SLC2A13: variants seen among roughly 807,000 people sequenced by gnomAD.
SLC2A13 encodes the protein proton myo-inositol cotransporter.
Under a neutral mutation model 64.4 loss-of-function variants are expected in SLC2A13, and 32 were observed. That is an observed-to-expected ratio of 0.50 (90% CI 0.37 to 0.67). SLC2A13 has a LOEUF of 0.67. SLC2A13 is among the 30% of genes least tolerant of loss of function. The probability of loss-of-function intolerance (pLI) is 0.00; values close to 1 mark genes in which losing one functional copy is unlikely to be tolerated. For synonymous variants in SLC2A13, 338 were observed against 327.1 expected, an observed-to-expected ratio of 1.03 and a Z score of -0.36; for missense variants, 743 against 829.2, an observed-to-expected ratio of 0.90 and a Z score of 1.28.
chr12:39,965,720 T>C (rs1946499117), intron 3 of SLC2A13, among the ~76,000 whole-genome samples: 1 of 151,986 alleles, frequency 6.6e-6, no homozygotes, highest in Non-Finnish European at 1.5e-5. Flanking sequence ...ATTTTCAGAG[T>C]TTGGCCTATA....
At chr12:39,882,213 AG>A (rs1430330227) in intron 4 of SLC2A13, among the ~76,000 whole-genome samples, 1 of 152,134 alleles carries the variant, frequency 6.6e-6, no homozygotes, top group Non-Finnish European at 1.5e-5. Context: ...GGTGTGCTAC[AG>A]GATCTCCTGG....
At chr12:40,008,121 T>G (rs1457765380) in intron 3 of SLC2A13, among the ~76,000 whole-genome samples, 1 of 152,152 alleles carries the variant, frequency 6.6e-6, no homozygotes, top group Admixed American at 6.5e-5. Context: ...CTATCCAGAT[T>G]TTTTAAAATT....
chr12:40,098,469 TAA>T (rs1344277636), intron 1 of SLC2A13, among the ~76,000 whole-genome samples: 5 of 152,190 alleles, frequency 3.3e-5, no homozygotes, highest in African/African-American at 4.8e-5. Context: ...TAAAATGGGT[TAA>T]GAGTATAAAT....
intron 1 of SLC2A13, among the ~76,000 whole-genome samples, chr12:40,051,810 T>G (rs534666187): frequency 1.3e-5 from 2 of 152,150 alleles, no homozygotes; most frequent in South Asian, 4.2e-4. Context: ...TAAAGGATCT[T>G]AAAGGCCAAA....
chr12:39,789,382 A>G (rs1017596341), intron 7 of SLC2A13, among the ~76,000 whole-genome samples: 1 of 152,122 alleles, frequency 6.6e-6, no homozygotes, highest in African/African-American at 2.4e-5. Context: ...GCCTTTAGCT[A>G]CAGTTTATTT....
At chr12:39,941,124 T>C (rs1946017678) in intron 4 of SLC2A13, among the ~76,000 whole-genome samples, 1 of 17,742 alleles carries the variant, frequency 5.6e-5, no homozygotes, top group Non-Finnish European at 1.9e-4. Flanking sequence ...TTCCATCATA[T>C]ATATATATAT....
At chr12:39,967,026 T>C (rs1245287879) in intron 3 of SLC2A13, among the ~76,000 whole-genome samples, 1 of 152,138 alleles carries the variant, frequency 6.6e-6, no homozygotes, top group African/African-American at 2.4e-5. Flanking sequence ...GCAGTTACCA[T>C]ATGGTCAGTG....
At chr12:39,957,187 T>C (rs1357685602) in intron 3 of SLC2A13, among the ~76,000 whole-genome samples, 1 of 152,150 alleles carries the variant, frequency 6.6e-6, no homozygotes, top group Non-Finnish European at 1.5e-5. Context: ...AGAGACCAAG[T>C]GTTGCTACCC....
chr12:39,820,633 C>G lies in SLC2A13; in HGVS notation c.1445+9470G>C, dbSNP rs1011768908. Among the ~76,000 whole-genome samples, 3 of 151,194 alleles carry G rather than the reference C, an allele frequency of 2.0e-5. No individual in the cohort carries two copies. In the East Asian group the frequency reaches 5.8e-4, roughly 29 times the overall value. Reference sequence around the variant, plus strand: ...TCATTTATGCTGTCCAGCAAAAAACCTCCTGAGATTATTTGGATATCTAAT... The same window carrying G: ...TCATTTATGCTGTCCAGCAAAAAACGTCCTGAGATTATTTGGATATCTAAT... On this transcript the variant is annotated intron_variant, in intron 7 of 9. Transcript: ENST00000280871.
chr12:39,836,274 C>A (rs559092575), intron 6 of SLC2A13, among the ~76,000 whole-genome samples: 2 of 152,188 alleles, frequency 1.3e-5, no homozygotes, highest in East Asian at 3.9e-4. Flanking sequence ...GCTGGGGGAA[C>A]TGAATGCAGA....
chr12:39,959,333 T>C (rs552093039), intron 3 of SLC2A13, among the ~76,000 whole-genome samples: 61 of 152,384 alleles, frequency 4.0e-4, no homozygotes, highest in African/African-American at 1.5e-3. Flanking sequence ...CTGGCATTTA[T>C]GCCAATACAT....
chr12:39,923,124 C>T lies in SLC2A13; in HGVS notation c.1034+28133G>A, dbSNP rs1945644056. Among the ~76,000 whole-genome samples, 3 of 152,114 alleles carry T rather than the reference C, an allele frequency of 2.0e-5. No individual in the cohort carries two copies. In the South Asian group the frequency reaches 6.2e-4, roughly 32 times the overall value. On this transcript the variant is annotated intron_variant, in intron 4 of 9. Coordinates refer to ENST00000280871, the MANE Select transcript of SLC2A13 (RefSeq NM_052885.4). ...TGAAGTCTATTTTAGATAAGCTAGT[C>T]TTATCACTGTCCTCAAAAATTGGAA...
chr12:39,941,254 G>A (rs150739875), intron 4 of SLC2A13, among the ~76,000 whole-genome samples: 48 of 152,128 alleles, frequency 3.2e-4, no homozygotes, highest in African/African-American at 1.1e-3. Flanking sequence ...TATCTTTTTC[G>A]AATAATGACT....
Position 39,830,112 on chromosome 12 carries a change from G to A in SLC2A13, c.1436C>T (p.Ala479Val). 1 of 1,613,586 alleles carries A rather than the reference G, an allele frequency of 6.2e-7. No individual in the cohort carries two copies. Among genetic ancestry groups the A allele is most frequent in the Non-Finnish European group, 8.5e-7 (1 of 1,179,720 alleles). The change falls in exon 7 of 10, where the codon GCC becomes GTC. Residue 479 changes from alanine (A) to valine (V), a missense_variant. Ala to Val is a moderately conservative substitution (Grantham distance 64, BLOSUM62 0). Around this residue, in one of 2 missense-constraint regions of SLC2A13, gnomAD observed 295 missense variants for 381.7 expected, o/e 0.77. Transcript: ENST00000280871. ...AAAATGAGTGATATACCTGCCCCAG[G>A]CTGCCTCATTTGTAGATGCTTTATT... ...PVNKASTNEA[A>V]WGRCENETKF...
intron 7 of SLC2A13, among the ~76,000 whole-genome samples, chr12:39,813,766 T>G (rs1942260872): frequency 2.0e-5 from 3 of 152,174 alleles, no homozygotes; most frequent in South Asian, 4.1e-4. Flanking sequence ...ATCTACAATC[T>G]CAATGTGAGT....
intron 6 of SLC2A13, among the ~76,000 whole-genome samples, chr12:39,848,610 T>C (rs1446666228): frequency 1.3e-5 from 2 of 152,180 alleles, no homozygotes; most frequent in African/African-American, 2.4e-5. Flanking sequence ...TGGAAAGCAG[T>C]ATGGCAATTC....
intron 3 of SLC2A13, among the ~76,000 whole-genome samples, chr12:39,968,733 C>T (rs1946575061): frequency 4.4e-5 from 2 of 45,402 alleles, no homozygotes; most frequent in Non-Finnish European, 1.4e-4. Context: ...CCTGCCCTTT[C>T]TTTTTTATTT....
intron 7 of SLC2A13, among the ~76,000 whole-genome samples, chr12:39,821,973 G>A (rs1942527924): frequency 6.6e-6 from 1 of 151,910 alleles, no homozygotes; most frequent in African/African-American, 2.4e-5. Context: ...CAATGTGCAG[G>A]TTAGTTACAT....
intron 7 of SLC2A13, among the ~76,000 whole-genome samples, chr12:39,817,746 C>G (rs964015986): frequency 1.3e-5 from 2 of 152,172 alleles, no homozygotes; most frequent in African/African-American, 4.8e-5. Flanking sequence ...ATGCCAAACA[C>G]TAAATCTATG....
Sources: gnomAD v4.1 joint callset for allele counts (sites outside exome capture counted in the v4.1 genomes callset) on GRCh38, gnomAD v4.1.1 for gene constraint, gnomAD v4.1.1 regional missense constraint, MANE v1.5 for transcripts, NCBI Gene and HGNC (gene_info 2026-07-23, HGNC 2026-07-21) for gene names.